Variants in MYO1D observed in about 807,000 individuals in gnomAD.
The protein encoded by MYO1D is unconventional myosin-Id.
MYO1D carries 83 observed loss-of-function variants against 122.0 expected under a neutral mutation model. The observed-to-expected ratio is 0.68, with a 90% CI of 0.57 to 0.82. The LOEUF (loss-of-function observed/expected upper bound fraction) is 0.82. Among genes scored for constraint, MYO1D ranks in the 40% least tolerant of loss-of-function variants. The probability of loss-of-function intolerance (pLI) is 0.00; values close to 1 mark genes in which losing one functional copy is unlikely to be tolerated. For missense variants in MYO1D, 1,157 were observed against 1,269.5 expected, an observed-to-expected ratio of 0.91 and a Z score of 1.35; for synonymous variants, 464 against 446.9, an observed-to-expected ratio of 1.04 and a Z score of -0.48.
At chr17:32,731,295 T>C (rs928112422) in intron 14 of MYO1D, among the ~76,000 whole-genome samples, 1 of 152,262 alleles carries the variant, frequency 6.6e-6, no homozygotes, top group Non-Finnish European at 1.5e-5. Context: ...TTCACTACTT[T>C]CTCTTCAGCT....
intron 8 of MYO1D, 26 bp downstream of exon 8, chr17:32,764,852 T>C: frequency 6.2e-7 from 1 of 1,611,556 alleles, no homozygotes; most frequent in South Asian, 1.1e-5. Flanking sequence ...CAACACCAGG[T>C]GACATAGGGT....
chr17:32,594,027 G>A (rs977418860), intron 21 of MYO1D, among the ~76,000 whole-genome samples: 1 of 152,036 alleles, frequency 6.6e-6, no homozygotes, highest in Admixed American at 6.5e-5. Context: ...TGGACTCTTC[G>A]GGGCTCCTTC....
At chr17:32,726,143 G>T (rs1419835175) in intron 14 of MYO1D, among the ~76,000 whole-genome samples, 2 of 152,224 alleles carry the variant, frequency 1.3e-5, no homozygotes, top group Non-Finnish European at 2.9e-5. Flanking sequence ...TAGGGGTTGG[G>T]TGCAGTGGCT....
chr17:32,767,705 C>T lies in MYO1D; in HGVS notation c.762G>A (p.Met254Ile). 6.2e-7 allele frequency: 1 copy of T among 1,613,926 alleles called. No homozygotes were observed. The highest frequency in any genetic ancestry group is 8.5e-7 in the Non-Finnish European group (1 of 1,179,958). The part of the protein sequence containing the change: ...AAEFRVVADA[M>I]KVIGFKPEEI... ...CCTCAGGTTTGAAGCCAATGACTTT[C>T]ATGGCATCAGCAACAACTCTGAATT... is the stretch of plus-strand genomic sequence containing the variant. Residue 254 changes from methionine (M) to isoleucine (I), a missense_variant, in exon 7 of 22, where the codon ATG (methionine) becomes ATA (isoleucine). By Grantham distance (10) the Met-to-Ile change is conservative. Coordinates refer to ENST00000318217, the MANE Select transcript of MYO1D (RefSeq NM_015194.3).
At chr17:32,635,816 G>C (rs2088091281) in intron 20 of MYO1D, among the ~76,000 whole-genome samples, 1 of 152,162 alleles carries the variant, frequency 6.6e-6, no homozygotes. Flanking sequence ...ATGAAAGGTG[G>C]AGAATGAGAG....
At chr17:32,654,113 A>G (rs1211866232) in intron 18 of MYO1D, among the ~76,000 whole-genome samples, 166 bp from the exon 19 acceptor site, 6 of 152,242 alleles carry the variant, frequency 3.9e-5, no homozygotes, top group African/African-American at 9.6e-5. Context: ...GTAACATCAA[A>G]GATCCTATAC....
At position 32,494,551 on chromosome 17, in the gene MYO1D, G is replaced by A. The variant is rs540540463; in HGVS notation, c.*208C>T. ...TCTGGGCGGGGCACCAGGGTCTTTG[G>A]CTTATTGAACAGGGACCGTGGACAG... is the stretch of plus-strand genomic sequence containing the variant. On this transcript the variant is annotated 3_prime_UTR_variant, in exon 22 of 22. Coordinates refer to ENST00000318217, the MANE Select transcript of MYO1D (RefSeq NM_015194.3). 1,003 of 652,994 alleles carry A rather than the reference G, an allele frequency of 1.5e-3. 9 individuals carry two copies. The highest frequency in any genetic ancestry group is 0.013 in the South Asian group (640 of 49,228). 40.4% of individuals were successfully genotyped at this position (652,994 alleles called of 1,614,324 possible). A position where few individuals can be genotyped will look rare whatever the true frequency, so the allele number is the denominator to read the frequency against.
chr17:32,748,814 T>C (rs1598062625), intron 12 of MYO1D, 122 bp downstream of exon 12: 2 of 879,770 alleles, frequency 2.3e-6, no homozygotes, highest in Admixed American at 2.1e-5. Context: ...TTAAAATATA[T>C]TGACATATCA....
chr17:32,674,164 G>C (rs2059147206), intron 16 of MYO1D, among the ~76,000 whole-genome samples: 1 of 152,178 alleles, frequency 6.6e-6, no homozygotes, highest in Non-Finnish European at 1.5e-5. Context: ...ACTGTGTGGG[G>C]GTGGAGTGGA....
At chr17:32,538,781 A>G (rs1382802481) in intron 21 of MYO1D, among the ~76,000 whole-genome samples, 1 of 152,186 alleles carries the variant, frequency 6.6e-6, no homozygotes, top group Non-Finnish European at 1.5e-5. Context: ...AACGAATGAG[A>G]TCATGTCCTT....
intron 16 of MYO1D, among the ~76,000 whole-genome samples, chr17:32,685,388 C>G (rs959970074): frequency 3.9e-5 from 6 of 152,192 alleles, no homozygotes; most frequent in Non-Finnish European, 7.3e-5. Context: ...GCTTTGGCTT[C>G]AAGAAAGCAG....
chr17:32,856,828 G>T (rs962668763), intron 1 of MYO1D, among the ~76,000 whole-genome samples: 3 of 152,120 alleles, frequency 2.0e-5, no homozygotes, highest in African/African-American at 4.8e-5. Context: ...AATCTCAGAG[G>T]CATGTTCTAT....
At position 32,738,256 on chromosome 17, in the gene MYO1D, T is replaced by C; in HGVS notation, c.1743A>G (p.Ser581=). The C allele has an allele frequency of 6.3e-7, 1 of 1,589,600 alleles. No individual in the cohort carries two copies. The highest frequency in any genetic ancestry group is 8.5e-7 in the Non-Finnish European group (1 of 1,170,178). Residue 581 remains serine (S), a synonymous_variant, in exon 14 of 22, where the codon TCA becomes TCG. Transcript: ENST00000318217. ...ATTTAGAAAAGAAAATAATTACCTTTGATGCAAGGTTGTCTACTAGAGCAA... is the reference window on the plus strand; with the variant it reads ...ATTTAGAAAAGAAAATAATTACCTTCGATGCAAGGTTGTCTACTAGAGCAA... The part of the protein sequence containing the change: ...SMIALVDNLA[S]KEPYYVRCIK...
At chr17:32,848,940 C>T (rs1169046019) in intron 1 of MYO1D, among the ~76,000 whole-genome samples, 1 of 152,080 alleles carries the variant, frequency 6.6e-6, no homozygotes, top group Non-Finnish European at 1.5e-5. Flanking sequence ...CGTACCTGTG[C>T]AAAGTTACAT....
intron 21 of MYO1D, chr17:32,529,000 C>G (rs532896168): frequency 6.6e-6 from 1 of 152,192 alleles, no homozygotes; most frequent in Non-Finnish European, 1.5e-5. Context: ...TGACATAGAT[C>G]GGTAGATGGT....
chr17:32,758,850 A>G (rs778011623), intron 10 of MYO1D, among the ~76,000 whole-genome samples: 2 of 152,112 alleles, frequency 1.3e-5, no homozygotes, highest in Non-Finnish European at 2.9e-5. Flanking sequence ...TAGGACAAAT[A>G]GTTCTTGGTT....
intron 1 of MYO1D, among the ~76,000 whole-genome samples, chr17:32,787,133 C>A: frequency 6.7e-6 from 1 of 150,232 alleles, no homozygotes; most frequent in Non-Finnish European, 1.5e-5. Context: ...AAGAAAAAAA[C>A]CAGAAGAGAG....
intron 21 of MYO1D, among the ~76,000 whole-genome samples, chr17:32,562,662 T>C (rs1304437635): frequency 6.6e-6 from 1 of 152,124 alleles, no homozygotes; most frequent in Non-Finnish European, 1.5e-5. Context: ...TTGAAACTTT[T>C]TGTAGAGACG....
chr17:32,516,741 G>T (rs535069701), intron 21 of MYO1D, among the ~76,000 whole-genome samples: 1 of 152,234 alleles, frequency 6.6e-6, no homozygotes, highest in Non-Finnish European at 1.5e-5. Context: ...TGTGTTTACA[G>T]CTTTAGTGGC....
Sources: gnomAD v4.1 joint callset for allele counts (sites outside exome capture counted in the v4.1 genomes callset) on GRCh38, gnomAD v4.1.1 for gene constraint, MANE v1.5 for transcripts, NCBI Gene and HGNC (gene_info 2026-07-23, HGNC 2026-07-21) for gene names.